GLIS3: variants seen among roughly 807,000 people sequenced by gnomAD.
The protein encoded by GLIS3 is GLIS family zinc finger 3.
In GLIS3, 53 loss-of-function variants were observed where a neutral mutation model predicts 78.6. The observed-to-expected ratio is 0.67, with a 90% CI of 0.54 to 0.85. The LOEUF is 0.85. GLIS3 is among the 40% of genes least tolerant of loss of function. The pLI, the probability that GLIS3 is intolerant of heterozygous loss-of-function variation, is 0.00. For missense variants in GLIS3, 1,703 were observed against 1,231.1 expected (o/e 1.38, Z -5.74); for synonymous variants, 684 against 509.9 (o/e 1.34, Z -4.60).
the GLIS3 span, among the ~76,000 whole-genome samples, chr9:4,363,803 C>T: frequency 6.6e-6 from 1 of 152,212 alleles, no homozygotes; most frequent in Admixed American, 6.5e-5. Flanking sequence ...GATCATTGAT[C>T]AACCCTTAGT....
chr9:4,255,501 T>G (rs188883142), intron 2 of GLIS3, among the ~76,000 whole-genome samples: 1 of 152,330 alleles, frequency 6.6e-6, no homozygotes, highest in East Asian at 1.9e-4. Flanking sequence ...TAAACAGTCG[T>G]ATATCCAGAC....
chr9:4,289,903 A>G (rs932745131), intron 1 of GLIS3, among the ~76,000 whole-genome samples: 19 of 152,180 alleles, frequency 1.2e-4, no homozygotes, highest in Non-Finnish European at 1.5e-5. Flanking sequence ...CTTAACCCTA[A>G]GGAAACTAAG....
intron 2 of GLIS3, among the ~76,000 whole-genome samples, chr9:4,190,166 G>A (rs1002324915): frequency 2.0e-5 from 3 of 152,194 alleles, no homozygotes; most frequent in Non-Finnish European, 2.9e-5. Flanking sequence ...ACCAGCAACG[G>A]AACAAAGCTG....
At chr9:3,883,749 G>A (rs1588148221) in intron 7 of GLIS3, among the ~76,000 whole-genome samples, 1 of 152,230 alleles carries the variant, frequency 6.6e-6, no homozygotes, top group East Asian at 1.9e-4. Flanking sequence ...GGGCTTCTAA[G>A]TGAACTTCCA....
At chr9:4,253,454 C>T (rs970238207) in intron 2 of GLIS3, among the ~76,000 whole-genome samples, 1 of 152,208 alleles carries the variant, frequency 6.6e-6, no homozygotes, top group Non-Finnish European at 1.5e-5. Context: ...GGATGACGCT[C>T]CCCCGACCAA....
chr9:4,039,792 C>T (rs1824645794), intron 4 of GLIS3, among the ~76,000 whole-genome samples: 1 of 152,182 alleles, frequency 6.6e-6, no homozygotes, highest in African/African-American at 2.4e-5. Flanking sequence ...ATGACTACTA[C>T]AGTATAATGT....
intron 3 of GLIS3, among the ~76,000 whole-genome samples, chr9:4,309,926 TG>T (rs1344612245): frequency 3.3e-5 from 5 of 152,170 alleles, no homozygotes; most frequent in Admixed American, 3.3e-4. Context: ...CTCAAAGGTA[TG>T]AAAAAAATGT....
chr9:4,366,656 T>G, the GLIS3 span, among the ~76,000 whole-genome samples: 2 of 152,234 alleles, frequency 1.3e-5, no homozygotes, highest in African/African-American at 4.8e-5. Flanking sequence ...GCTCAAGTGA[T>G]TGCGATGGCG....
At chr9:4,059,510 T>G (rs945241643) in intron 4 of GLIS3, among the ~76,000 whole-genome samples, 1 of 152,174 alleles carries the variant, frequency 6.6e-6, no homozygotes, top group Non-Finnish European at 1.5e-5. Flanking sequence ...ACAAATACCT[T>G]AGAGAGAAGT....
intron 2 of GLIS3, among the ~76,000 whole-genome samples, chr9:4,282,588 C>T (rs1318343438): frequency 6.6e-6 from 1 of 152,102 alleles, no homozygotes; most frequent in African/African-American, 2.4e-5. Context: ...ACAGGGACTA[C>T]ATCGTGGGTT....
At chr9:4,026,310 T>C (rs1168922410) in intron 4 of GLIS3, among the ~76,000 whole-genome samples, 2 of 152,248 alleles carry the variant, frequency 1.3e-5, no homozygotes, top group Admixed American at 6.5e-5. Flanking sequence ...CATAGGTCCA[T>C]TAATTTTTTC....
intron 2 of GLIS3, among the ~76,000 whole-genome samples, chr9:4,271,351 G>A (rs1317230866): frequency 6.6e-6 from 1 of 152,158 alleles, no homozygotes; most frequent in Non-Finnish European, 1.5e-5. Context: ...GGAATCAGAA[G>A]TTACACACAA....
intron 2 of GLIS3, among the ~76,000 whole-genome samples, chr9:4,269,312 A>C (rs1388889734): frequency 2.0e-5 from 3 of 152,150 alleles, no homozygotes; most frequent in Non-Finnish European, 4.4e-5. Context: ...CATATGCACA[A>C]ATCATGTGAC....
chr9:4,338,461 C>T (rs57214260), intron 2 of GLIS3, among the ~76,000 whole-genome samples: 1 of 151,918 alleles, frequency 6.6e-6, no homozygotes, highest in Non-Finnish European at 1.5e-5. Flanking sequence ...GAGAATTCAG[C>T]TCAGGACTGG....
chr9:4,407,297 A>T, the GLIS3 span, among the ~76,000 whole-genome samples: 1 of 152,230 alleles, frequency 6.6e-6, no homozygotes, highest in African/African-American at 2.4e-5. Context: ...TCAAATCAAA[A>T]TAAATTAAAG....
At chr9:4,409,706 TGAA>T in the GLIS3 span, among the ~76,000 whole-genome samples, 2 of 152,138 alleles carry the variant, frequency 1.3e-5, no homozygotes, top group Non-Finnish European at 1.5e-5. Flanking sequence ...AAATATGGGT[TGAA>T]GAAGCAAGGA....
At chr9:4,001,643 A>G (rs1821128185) in intron 4 of GLIS3, among the ~76,000 whole-genome samples, 1 of 152,242 alleles carries the variant, frequency 6.6e-6, no homozygotes, top group African/African-American at 2.4e-5. Flanking sequence ...GCCTTCTCTT[A>G]AAATTTTTAA....
intron 2 of GLIS3, among the ~76,000 whole-genome samples, chr9:4,282,892 G>T (rs1044419935): frequency 6.6e-6 from 1 of 151,950 alleles, no homozygotes; most frequent in Non-Finnish European, 1.5e-5. Context: ...ATCATTCATG[G>T]CCCTTCCTCT....
chr9:3,971,960 T>C (rs1234452394), intron 4 of GLIS3, among the ~76,000 whole-genome samples: 1 of 152,124 alleles, frequency 6.6e-6, no homozygotes, highest in Non-Finnish European at 1.5e-5. Flanking sequence ...GAGAAAACAG[T>C]GAGTAACAGG....
Sources: gnomAD v4.1 joint callset for allele counts (sites outside exome capture counted in the v4.1 genomes callset) on GRCh38, gnomAD v4.1.1 for gene constraint, MANE v1.5 for transcripts, NCBI Gene and HGNC (gene_info 2026-07-23, HGNC 2026-07-21) for gene names.